The following AGO4 variants were observed in gnomAD, a reference collection of about 807,000 sequenced individuals.
AGO4 encodes the protein argonaute RISC component 4, also known as protein argonaute-4.
A neutral mutation model predicts 104.7 loss-of-function variants in AGO4; 33 were observed. The observed-to-expected ratio is 0.32, with a 90% CI of 0.24 to 0.42. The LOEUF is 0.42. AGO4 is among the 10% of genes least tolerant of loss of function. The pLI is 1.00. For missense variants in AGO4, 711 were observed against 1,083.4 expected (o/e 0.66, Z 4.83); for synonymous variants, 331 against 364.7 (o/e 0.91, Z 1.05).
intron 2 of AGO4, among the ~76,000 whole-genome samples, chr1:35,817,404 G>A (rs1034236640): frequency 2.3e-4 from 33 of 145,866 alleles, no homozygotes; most frequent in African/African-American, 7.6e-4. Context: ...TTGGACATGA[G>A]AAAGATGTAT....
intron 1 of AGO4, among the ~76,000 whole-genome samples, chr1:35,811,592 G>A (rs1643508325): frequency 6.6e-6 from 1 of 151,936 alleles, no homozygotes; most frequent in Non-Finnish European, 1.5e-5. Context: ...AAGGCACTAT[G>A]TTAAACGTTT....
chr1:35,835,078 T>G (rs1644278633), intron 12 of AGO4, among the ~76,000 whole-genome samples: 1 of 149,294 alleles, frequency 6.7e-6, no homozygotes, highest in Non-Finnish European at 1.5e-5. Flanking sequence ...TGGCGCAATC[T>G]TGACTCACTG....
chr1:35,840,843 G>A (rs1431285138), intron 13 of AGO4, among the ~76,000 whole-genome samples: 1 of 152,150 alleles, frequency 6.6e-6, no homozygotes, highest in Non-Finnish European at 1.5e-5. Flanking sequence ...TTGAACTTCT[G>A]GGCTCAAGCA....
rs115048996 is a variant in AGO4 at position 35,828,474 on chromosome 1, G to T, written c.848+1639G>T. On this transcript the variant is annotated intron_variant, in intron 7 of 17. Coordinates refer to ENST00000373210, the MANE Select transcript of AGO4 (RefSeq NM_017629.4). ...TTGGTGTCTATGGCATCCTCCAGCA[G>T]CATACTCCTTTCCATTTCCCCAATC... 2.7e-3 allele frequency among the ~76,000 whole-genome samples: 416 copies of T among 152,026 alleles called. 1 individual carries two copies. The highest frequency in any genetic ancestry group is 8.2e-3 in the African/African-American group (341 of 41,498).
intron 2 of AGO4, among the ~76,000 whole-genome samples, chr1:35,819,454 C>T (rs996707695): frequency 4.6e-5 from 7 of 151,768 alleles, no homozygotes; most frequent in Admixed American, 1.3e-4. Flanking sequence ...AAAGGCCGCG[C>T]GCGGTGGCTC....
intron 3 of AGO4, among the ~76,000 whole-genome samples, chr1:35,824,327 GC>G (rs1307837594): frequency 6.6e-6 from 1 of 151,776 alleles, no homozygotes. Flanking sequence ...TATATTAGCT[GC>G]TATTTATACA....
intron 15 of AGO4, among the ~76,000 whole-genome samples, chr1:35,849,678 C>T (rs1179924346): frequency 1.1e-4 from 15 of 139,688 alleles, no homozygotes; most frequent in Non-Finnish European, 1.5e-4. Flanking sequence ...CAGAGTGAGA[C>T]GCTGTCTCAA....
intron 17 of AGO4, among the ~76,000 whole-genome samples, chr1:35,852,416 AGTT>A (rs997106452): frequency 3.3e-5 from 5 of 152,212 alleles, no homozygotes; most frequent in Non-Finnish European, 5.9e-5. Context: ...TATGTTTAGA[AGTT>A]GTTGTTGTTA....
In AGO4 at chr1:35,850,847, T is replaced by C. The variant is rs747839564; in HGVS notation, c.2278-7T>C. On this transcript the variant is annotated splice_polypyrimidine_tract_variant and splice_region_variant and intron_variant, in intron 16 of 17. Transcript: ENST00000373210. ...AAAAAACATTAATCATAAAACTCTC[T>C]CCTCAGGGAACCAGCCGTCCCTCAC... 10 of 1,436,834 alleles carry C rather than the reference T, an allele frequency of 7.0e-6. No individual in the cohort carries two copies. Among genetic ancestry groups the C allele is most frequent in the African/African-American group, 1.5e-5 (1 of 68,806 alleles). 89.0% of individuals were successfully genotyped at this position (1,436,834 alleles called of 1,614,324 possible). A position where few individuals can be genotyped will look rare whatever the true frequency, so the allele number is the denominator to read the frequency against.
intron 1 of AGO4, among the ~76,000 whole-genome samples, chr1:35,814,305 T>G (rs778419095): frequency 6.6e-6 from 1 of 151,940 alleles, no homozygotes; most frequent in African/African-American, 2.4e-5. Context: ...GAGGTTCATT[T>G]CTTTTTTTTA....
chr1:35,812,057 G>C lies in AGO4; in HGVS notation c.19+3622G>C, dbSNP rs76410708. The stretch of plus-strand genomic sequence containing the variant: ...GTGGTGAGACCAGGATTTAAACCTA[G>C]GTAATTTGGTTCCAGAGCTTTAGCC... On this transcript the variant is annotated intron_variant, in intron 1 of 17. Transcript: ENST00000373210. Among the ~76,000 whole-genome samples the C allele has an allele frequency of 6.3e-3, 962 of 152,122 alleles. 7 individuals carry two copies. The highest frequency in any genetic ancestry group is 0.022 in the African/African-American group (912 of 41,502).
intron 7 of AGO4, among the ~76,000 whole-genome samples, chr1:35,827,456 G>A (rs1055227832): frequency 2.0e-5 from 3 of 152,116 alleles, no homozygotes; most frequent in Admixed American, 1.3e-4. Flanking sequence ...AGGAGGCAGA[G>A]TTTGCAGTGA....
chr1:35,848,796 T>A (rs1644633299), intron 15 of AGO4, among the ~76,000 whole-genome samples: 1 of 152,130 alleles, frequency 6.6e-6, no homozygotes, highest in African/African-American at 2.4e-5. Flanking sequence ...TGTTTCACCA[T>A]AAAATACCTA....
chr1:35,830,897 G>A (rs1023923929), intron 7 of AGO4, among the ~76,000 whole-genome samples: 21 of 151,486 alleles, frequency 1.4e-4, no homozygotes, highest in Non-Finnish European at 2.6e-4. Flanking sequence ...GCTTGAACCC[G>A]GGAGATGGAG....
Position 35,818,582 on chromosome 1 carries a change from C to T in AGO4, c.185+1535C>T, listed in dbSNP as rs1214540701. 6.0e-5 allele frequency among the ~76,000 whole-genome samples: 9 copies of T among 150,762 alleles called. No homozygotes were observed. The Admixed American group carries it at 6.0e-4, about 10-fold the overall frequency. The stretch of plus-strand genomic sequence containing the variant: ...GAGGTTGCAGTGAGTGGAGATCATG[C>T]CGCTGCATTCCAGCCTGGGCAACAG... On this transcript the variant is annotated intron_variant, in intron 2 of 17. Coordinates refer to ENST00000373210, the MANE Select transcript of AGO4 (RefSeq NM_017629.4).
chr1:35,851,598 GCT>G (rs576688704), intron 17 of AGO4, among the ~76,000 whole-genome samples: 155 of 152,308 alleles, frequency 1.0e-3, no homozygotes, highest in African/African-American at 3.6e-3. Context: ...AGTTACACAA[GCT>G]CTCTGCATTA....
chr1:35,825,849 T>C (rs1644006773), intron 5 of AGO4, 34 bp downstream of exon 5: 1 of 1,593,698 alleles, frequency 6.3e-7, no homozygotes, highest in South Asian at 1.1e-5. Flanking sequence ...AATAACTCTT[T>C]GGGCTGGTTT....
intron 1 of AGO4, among the ~76,000 whole-genome samples, chr1:35,811,461 A>T (rs74747141): frequency 6.8e-6 from 1 of 147,566 alleles, no homozygotes; most frequent in Non-Finnish European, 1.5e-5. Flanking sequence ...GACTCCATCC[A>T]AAAAAAAACA....
intron 3 of AGO4, among the ~76,000 whole-genome samples, chr1:35,823,500 A>G (rs1456743023): frequency 1.3e-5 from 2 of 152,130 alleles, no homozygotes; most frequent in Non-Finnish European, 2.9e-5. Flanking sequence ...ATCTCGGCGC[A>G]GTGCAACTTC....
Sources: gnomAD v4.1 joint callset for allele counts (sites outside exome capture counted in the v4.1 genomes callset) on GRCh38, gnomAD v4.1.1 for gene constraint, MANE v1.5 for transcripts, NCBI Gene and HGNC (gene_info 2026-07-23, HGNC 2026-07-21) for gene names.